HPSE2: variants seen among roughly 807,000 people sequenced by gnomAD.
HPSE2 encodes heparanase 2 (inactive), also known as inactive heparanase-2.
Under a neutral mutation model 60.5 loss-of-function variants are expected in HPSE2, and 38 were observed. The ratio of observed to expected loss-of-function variants is 0.63; its 90% CI spans 0.48 to 0.82. HPSE2 has a LOEUF of 0.82. Among genes scored for constraint, HPSE2 ranks in the 40% least tolerant of loss-of-function variants. The pLI is 0.00. For synonymous variants in HPSE2, 295 were observed against 293.2 expected, an observed-to-expected ratio of 1.01 and a Z score of -0.06; for missense variants, 713 against 740.4, an observed-to-expected ratio of 0.96 and a Z score of 0.43.
At chr10:98,483,498 T>G (rs1023084387) in intron 10 of HPSE2, among the ~76,000 whole-genome samples, 3 of 152,238 alleles carry the variant, frequency 2.0e-5, no homozygotes, top group Non-Finnish European at 4.4e-5. Context: ...GTCCTAGACG[T>G]TGGAATCATT....
chr10:98,527,791 A>G (rs1943014358), intron 9 of HPSE2, among the ~76,000 whole-genome samples: 5 of 152,158 alleles, frequency 3.3e-5, no homozygotes, highest in Admixed American at 3.3e-4. Context: ...GGCACTCAAT[A>G]AATATTTGAG....
intron 3 of HPSE2, among the ~76,000 whole-genome samples, chr10:99,083,049 GAGA>G (rs1341688918): frequency 1.3e-5 from 2 of 152,186 alleles, no homozygotes; most frequent in African/African-American, 2.4e-5. Context: ...CTGGGGAATT[GAGA>G]AGATGTTTAG....
At chr10:99,307,419 G>C in the HPSE2 span, among the ~76,000 whole-genome samples, 1 of 152,112 alleles carries the variant, frequency 6.6e-6, no homozygotes, top group Non-Finnish European at 1.5e-5. Context: ...CTGTTTTATA[G>C]AACACTCAGA....
At chr10:98,867,565 C>A (rs1408494483) in intron 3 of HPSE2, among the ~76,000 whole-genome samples, 1 of 152,142 alleles carries the variant, frequency 6.6e-6, no homozygotes, top group Non-Finnish European at 1.5e-5. Flanking sequence ...GTTAGTACAA[C>A]CACTGCAGAG....
At chr10:98,692,636 G>A (rs2134166904) in intron 6 of HPSE2, among the ~76,000 whole-genome samples, 1 of 152,232 alleles carries the variant, frequency 6.6e-6, no homozygotes. Context: ...GGGCATGGGG[G>A]CGGGCGCCTG....
At chr10:98,831,145 C>T (rs149271959) in intron 3 of HPSE2, among the ~76,000 whole-genome samples, 96 of 152,214 alleles carry the variant, frequency 6.3e-4, no homozygotes, top group Admixed American at 1.8e-3. Context: ...ATAGGGTGAG[C>T]AAGAAATCTA....
At chr10:98,995,125 C>T (rs1417667144) in intron 3 of HPSE2, among the ~76,000 whole-genome samples, 1 of 152,172 alleles carries the variant, frequency 6.6e-6, no homozygotes, top group African/African-American at 2.4e-5. Context: ...TCTGGTGCTT[C>T]CCATCTCTTC....
chr10:98,727,674 A>G (rs1347897481), intron 4 of HPSE2, among the ~76,000 whole-genome samples: 1 of 146,302 alleles, frequency 6.8e-6, no homozygotes, highest in Non-Finnish European at 1.5e-5. Context: ...AAAAAACAAC[A>G]ACAACAAAAA....
At chr10:98,878,215 G>A (rs1196549583) in intron 3 of HPSE2, among the ~76,000 whole-genome samples, 4 of 151,968 alleles carry the variant, frequency 2.6e-5, no homozygotes, top group East Asian at 1.9e-4. Context: ...CCTGGAAGTC[G>A]TTCCTAAGTT....
intron 2 of HPSE2, among the ~76,000 whole-genome samples, chr10:99,207,677 A>G (rs192173814): frequency 3.2e-4 from 48 of 152,290 alleles, no homozygotes; most frequent in Admixed American, 2.6e-3. Context: ...TGGAGGGAGT[A>G]GAGTGAAGGT....
At chr10:98,904,104 T>C (rs904782097) in intron 3 of HPSE2, among the ~76,000 whole-genome samples, 6 of 152,186 alleles carry the variant, frequency 3.9e-5, no homozygotes, top group African/African-American at 1.4e-4. Flanking sequence ...CTGTGTATTA[T>C]AGTACACTGT....
intron 3 of HPSE2, among the ~76,000 whole-genome samples, chr10:98,909,490 C>T (rs912563203): frequency 6.6e-6 from 1 of 151,382 alleles, no homozygotes; most frequent in African/African-American, 2.4e-5. Context: ...ATTAGCTGGG[C>T]GTGGTGGTGG....
intron 9 of HPSE2, among the ~76,000 whole-genome samples, chr10:98,579,222 C>G (rs1298574791): frequency 1.3e-5 from 2 of 152,174 alleles, no homozygotes; most frequent in Non-Finnish European, 2.9e-5. Context: ...CTTGAAGGAT[C>G]AGCTCTTCAA....
chr10:98,700,915 A>G (rs1386918896), intron 5 of HPSE2, among the ~76,000 whole-genome samples: 1 of 65,516 alleles, frequency 1.5e-5, no homozygotes, highest in African/African-American at 3.4e-5. Context: ...GCCATCAGAG[A>G]AATGCAAATC....
At chr10:98,798,287 G>T (rs1298134519) in intron 3 of HPSE2, among the ~76,000 whole-genome samples, 1 of 152,132 alleles carries the variant, frequency 6.6e-6, no homozygotes, top group Non-Finnish European at 1.5e-5. Context: ...TAGGGGTGAA[G>T]AATTTCATCA....
At chr10:98,541,365 G>A (rs1173774314) in intron 9 of HPSE2, among the ~76,000 whole-genome samples, 8 of 152,130 alleles carry the variant, frequency 5.3e-5, no homozygotes, top group East Asian at 3.8e-4. Context: ...GAATAGCTCC[G>A]GTCTACAGCT....
In HPSE2 at chr10:98,539,453, G is replaced by A. The variant is rs912481330; in HGVS notation, c.1321-49257C>T. Among the ~76,000 whole-genome samples the A allele has an allele frequency of 2.7e-4, 41 of 152,100 alleles. 1 individual carries two copies. The highest frequency in any genetic ancestry group is 4.8e-5 in the African/African-American group (2 of 41,414). On this transcript the variant is annotated intron_variant, in intron 9 of 11. Transcript: ENST00000370552. ...GGAGAATAGCTTGAACCCGGGAGGCGGAGGTTGCAGTGAGCCCAGATCACG... is the reference window on the plus strand; with the variant it reads ...GGAGAATAGCTTGAACCCGGGAGGCAGAGGTTGCAGTGAGCCCAGATCACG...
At chr10:98,618,084 G>T (rs576951691) in intron 8 of HPSE2, among the ~76,000 whole-genome samples, 15 of 152,224 alleles carry the variant, frequency 9.9e-5, no homozygotes, top group Non-Finnish European at 1.6e-4. Context: ...GCCCCTTGGA[G>T]AACTGAACTC....
intron 3 of HPSE2, among the ~76,000 whole-genome samples, chr10:98,995,425 A>G (rs187418199): frequency 1.3e-5 from 2 of 152,202 alleles, no homozygotes; most frequent in Non-Finnish European, 2.9e-5. Flanking sequence ...TATTGCTGTA[A>G]TATTAGGCCC....
Sources: allele counts gnomAD v4.1 joint callset (sites outside exome capture counted in the v4.1 genomes callset), GRCh38; gene constraint gnomAD v4.1.1; transcripts MANE v1.5; gene names NCBI Gene and HGNC (gene_info 2026-07-23, HGNC 2026-07-21).